DKK2: variants seen among roughly 807,000 people sequenced by gnomAD.
The protein encoded by DKK2 is dickkopf Wnt signaling pathway inhibitor 2, also known as dickkopf-related protein 2.
Under a neutral mutation model 28.1 loss-of-function variants are expected in DKK2, and 11 were observed. The observed-to-expected ratio is 0.39, with a 90% CI of 0.25 to 0.65. The LOEUF (loss-of-function observed/expected upper bound fraction) is 0.65. Ranked by LOEUF, DKK2 falls within the 30% of genes least tolerant of loss-of-function variation. The pLI is 0.47. For synonymous variants in DKK2, 135 were observed against 126.5 expected, an observed-to-expected ratio of 1.07 and a Z score of -0.45; for missense variants, 326 against 335.5, an observed-to-expected ratio of 0.97 and a Z score of 0.22.
At position 107,020,150 on chromosome 4, in the gene DKK2, T is replaced by G. The variant is rs368133288; in HGVS notation, c.222+15220A>C. The stretch of plus-strand genomic sequence containing the variant: ...TTTTTTTGTGTTGAAAGCTTTTATT[T>G]TCTAACAAGAAAATTCACAGTACAC... On this transcript the variant is annotated intron_variant, in intron 1 of 3. Coordinates refer to ENST00000285311, the MANE Select transcript of DKK2 (RefSeq NM_014421.3). Among the ~76,000 whole-genome samples the G allele has an allele frequency of 5.9e-5, 9 of 152,264 alleles. 1 individual carries two copies. Among genetic ancestry groups the G allele is most frequent in the Admixed American group, 5.9e-4 (9 of 15,280 alleles).
rs116492790 is a variant in DKK2, at chr4:106,996,042, T to C, written c.222+39328A>G. Among the ~76,000 whole-genome samples the C allele has an allele frequency of 4.9e-3, 752 of 152,242 alleles. 2 individuals are homozygous for C. The highest frequency in any genetic ancestry group is 0.01 in the Admixed American group (156 of 15,278). On this transcript the variant is annotated intron_variant, in intron 1 of 3. Coordinates refer to ENST00000285311, the MANE Select transcript of DKK2 (RefSeq NM_014421.3). ...TTAATTCTGTGATACTGAGAGATCATAAAGGAGGAAAAATAGTTCTGAAGA... is the reference window on the plus strand; with the variant it reads ...TTAATTCTGTGATACTGAGAGATCACAAAGGAGGAAAAATAGTTCTGAAGA...
In DKK2 at chr4:106,975,496, C is replaced by T. The variant is rs189265048; in HGVS notation, c.223-49547G>A. On this transcript the variant is annotated intron_variant, in intron 1 of 3. Coordinates refer to ENST00000285311, the MANE Select transcript of DKK2 (RefSeq NM_014421.3). ...GGGTGTATGTGTCTAGGAATTTATC[C>T]ATTTCTTTTAAATTTTCTAGTTTAT... 1.1e-3 allele frequency among the ~76,000 whole-genome samples: 162 copies of T among 152,210 alleles called. 1 individual carries two copies. Among genetic ancestry groups the T allele is most frequent in the East Asian group, 3.3e-3 (17 of 5,182 alleles).
chr4:106,985,051 T>C (rs1394804750), intron 1 of DKK2, among the ~76,000 whole-genome samples: 5 of 151,806 alleles, frequency 3.3e-5, no homozygotes, highest in African/African-American at 4.8e-5. Flanking sequence ...CTACTAAAAA[T>C]ACAAAAATTT....
At chr4:107,013,015 C>G (rs974522660) in intron 1 of DKK2, among the ~76,000 whole-genome samples, 6 of 150,760 alleles carry the variant, frequency 4.0e-5, no homozygotes, top group Admixed American at 1.3e-4. Context: ...ACCATCCAAC[C>G]CAAGAACTAT....
intron 1 of DKK2, among the ~76,000 whole-genome samples, chr4:106,995,794 G>A (rs1165748574): frequency 6.6e-6 from 1 of 152,092 alleles, no homozygotes; most frequent in African/African-American, 2.4e-5. Context: ...TGTATTTTTA[G>A]TAGAGACGGG....
At chr4:106,988,253 C>T (rs988445931) in intron 1 of DKK2, among the ~76,000 whole-genome samples, 3 of 152,184 alleles carry the variant, frequency 2.0e-5, no homozygotes, top group Admixed American at 6.5e-5. Flanking sequence ...TTAGTTAAAA[C>T]AGCTGAACTC....
chr4:107,005,022 T>G (rs890959966), intron 1 of DKK2, among the ~76,000 whole-genome samples: 5 of 152,102 alleles, frequency 3.3e-5, no homozygotes, highest in African/African-American at 1.2e-4. Context: ...GACACCTTGA[T>G]TTTAGCCCAG....
Position 106,935,443 on chromosome 4 carries a change from C to T in DKK2, c.223-9494G>A, listed in dbSNP as rs950146987. On this transcript the variant is annotated intron_variant, in intron 1 of 3. Transcript: ENST00000285311. Reference sequence around the variant, plus strand: ...AACGGCACACCATGAGATTATATCCCACACCTGGCTCGGAGGGTCCTACAC... The same window carrying T: ...AACGGCACACCATGAGATTATATCCTACACCTGGCTCGGAGGGTCCTACAC... 5.9e-5 allele frequency among the ~76,000 whole-genome samples: 9 copies of T among 152,322 alleles called. 1 individual carries two copies. Among genetic ancestry groups the T allele is most frequent in the Admixed American group, 5.9e-4 (9 of 15,306 alleles).
At chr4:106,975,364 T>A (rs1239739071) in intron 1 of DKK2, among the ~76,000 whole-genome samples, 1 of 152,154 alleles carries the variant, frequency 6.6e-6, no homozygotes, top group Non-Finnish European at 1.5e-5. Flanking sequence ...TGTGAATCCA[T>A]CTGATCCTGG....
intron 1 of DKK2, among the ~76,000 whole-genome samples, chr4:107,008,290 T>C (rs565141410): frequency 5.0e-4 from 76 of 152,182 alleles, no homozygotes; most frequent in African/African-American, 1.7e-3. Context: ...GGGTGTATGA[T>C]GGTGAAAAAG....
intron 1 of DKK2, among the ~76,000 whole-genome samples, chr4:107,010,554 T>C (rs1418025005): frequency 6.6e-6 from 1 of 151,588 alleles, no homozygotes; most frequent in Non-Finnish European, 1.5e-5. Flanking sequence ...AGAATAAGTA[T>C]GTGGTCCAAC....
intron 1 of DKK2, among the ~76,000 whole-genome samples, chr4:107,034,485 T>G (rs1188240508): frequency 6.6e-6 from 1 of 152,150 alleles, no homozygotes; most frequent in Non-Finnish European, 1.5e-5. Flanking sequence ...CTCGTCTCTG[T>G]GCGTGTCTAT....
At chr4:106,982,190 C>G (rs184176640) in intron 1 of DKK2, among the ~76,000 whole-genome samples, 3 of 152,260 alleles carry the variant, frequency 2.0e-5, no homozygotes, top group African/African-American at 7.2e-5. Flanking sequence ...TTTTATTTGT[C>G]TATCACTAGA....
In DKK2 at chr4:106,924,720, CAGTT is replaced by C; in HGVS notation, c.374-24_374-21del. 4 of 1,605,844 alleles carry C rather than the reference CAGTT, an allele frequency of 2.5e-6. No individual in the cohort carries two copies. Among genetic ancestry groups the C allele is most frequent in the Non-Finnish European group, 3.4e-6 (4 of 1,175,540 alleles). ...AGATGCCTGGAGATGATCATATAAT[CAGTT>C]AGACTAATTCAATTCTATGAAATGT... is the stretch of plus-strand genomic sequence containing the variant. On this transcript the variant is annotated intron_variant, in intron 2 of 3. Coordinates refer to ENST00000285311, the MANE Select transcript of DKK2 (RefSeq NM_014421.3).
intron 1 of DKK2, among the ~76,000 whole-genome samples, chr4:106,972,498 T>C (rs1240546013): frequency 6.6e-6 from 1 of 151,948 alleles, no homozygotes; most frequent in Non-Finnish European, 1.5e-5. Context: ...GTAAGATATA[T>C]CTTATTCTTT....
chr4:106,984,406 T>C (rs550030364), intron 1 of DKK2, among the ~76,000 whole-genome samples: 1 of 152,348 alleles, frequency 6.6e-6, no homozygotes, highest in East Asian at 1.9e-4. Context: ...TAAATGTGCC[T>C]ATTCTAGTTA....
intron 1 of DKK2, among the ~76,000 whole-genome samples, chr4:106,964,966 TAG>T (rs778566281): frequency 4.6e-4 from 63 of 136,846 alleles, no homozygotes; most frequent in Middle Eastern, 3.7e-3. Flanking sequence ...TAGATATAGA[TAG>T]ATAGATAGAT....
At chr4:106,924,385 G>T in intron 3 of DKK2, 160 bp downstream of exon 3, 2 of 1,237,630 alleles carry the variant, frequency 1.6e-6, no homozygotes, top group Non-Finnish European at 1.1e-6. Context: ...ATCTATTATG[G>T]TCTGTTTCCA....
intron 1 of DKK2, among the ~76,000 whole-genome samples, chr4:107,003,804 G>C (rs1169888900): frequency 6.6e-6 from 1 of 152,112 alleles, no homozygotes; most frequent in Non-Finnish European, 1.5e-5. Flanking sequence ...TAAAATATCA[G>C]ACCTCAGACC....
Sources: allele counts gnomAD v4.1 joint callset (sites outside exome capture counted in the v4.1 genomes callset), GRCh38; gene constraint gnomAD v4.1.1; transcripts MANE v1.5; gene names NCBI Gene and HGNC (gene_info 2026-07-23, HGNC 2026-07-21).